NUP98: variants seen among roughly 807,000 people sequenced by gnomAD.
NUP98 encodes nucleoporin 98 and 96 precursor.
Under a neutral mutation model 191.9 loss-of-function variants are expected in NUP98, and 26 were observed. The observed-to-expected ratio is 0.14, with a 90% CI of 0.10 to 0.19. The LOEUF (loss-of-function observed/expected upper bound fraction) is 0.19, where lower values mean the gene tolerates loss of function less well. Among genes scored for constraint, NUP98 ranks in the 10% least tolerant of loss-of-function variants. The pLI, the probability that NUP98 is intolerant of heterozygous loss-of-function variation, is 1.00. For synonymous variants in NUP98, 808 were observed against 778.4 expected, an observed-to-expected ratio of 1.04 and a Z score of -0.63; for missense variants, 1,941 against 2,178.8, an observed-to-expected ratio of 0.89 and a Z score of 2.17.
chr11:3,771,693 A>G, intron 7 of NUP98, 55 bp downstream of exon 7: 2 of 1,487,578 alleles, frequency 1.3e-6, no homozygotes, highest in Admixed American at 3.5e-5. Flanking sequence ...ATTATGTTTT[A>G]GTTTTAGTTA....
intron 1 of NUP98, among the ~76,000 whole-genome samples, chr11:3,783,825 T>C (rs563751662): frequency 2.0e-5 from 3 of 152,070 alleles, no homozygotes; most frequent in Non-Finnish European, 4.4e-5. Flanking sequence ...ACAGAAAAGT[T>C]TGGTTCCCCC....
chr11:3,796,436 T>C (rs1175909732), intron 1 of NUP98, among the ~76,000 whole-genome samples: 1 of 152,260 alleles, frequency 6.6e-6, no homozygotes, highest in African/African-American at 2.4e-5. Flanking sequence ...TTTTACCGAT[T>C]TGTTTCCGAT....
At chr11:3,774,349 T>C (rs935599432) in intron 5 of NUP98, among the ~76,000 whole-genome samples, 5 of 151,432 alleles carry the variant, frequency 3.3e-5, no homozygotes, top group African/African-American at 7.3e-5. Context: ...GAAGCGGAGG[T>C]TGCAGTGAGC....
At chr11:3,680,421 C>A (rs753782688) in intron 30 of NUP98, among the ~76,000 whole-genome samples, 1 of 152,206 alleles carries the variant, frequency 6.6e-6, no homozygotes, top group East Asian at 1.9e-4. Flanking sequence ...ATCACATCTG[C>A]AAGTACTTCC....
chr11:3,779,598 GCCA>G (rs1220003041), intron 2 of NUP98, among the ~76,000 whole-genome samples: 1 of 150,604 alleles, frequency 6.6e-6, no homozygotes, highest in African/African-American at 2.4e-5. Context: ...CCAAGATCGT[GCCA>G]CTGCACTCCA....
intron 31 of NUP98, among the ~76,000 whole-genome samples, chr11:3,677,364 G>A (rs944493962): frequency 6.7e-6 from 1 of 150,190 alleles, no homozygotes; most frequent in Admixed American, 6.7e-5. Context: ...AGGGTAAGGA[G>A]AAGAAGCAGA....
intron 29 of NUP98, among the ~76,000 whole-genome samples, chr11:3,683,777 A>ATG (rs2078051543): frequency 6.6e-6 from 1 of 151,902 alleles, no homozygotes. Context: ...ACCTCAGGTG[A>ATG]TCCACCCGCC....
chr11:3,718,607 G>T (rs549258254), intron 18 of NUP98, among the ~76,000 whole-genome samples: 5 of 152,018 alleles, frequency 3.3e-5, no homozygotes, highest in Admixed American at 6.6e-5. Context: ...GAAAGGAAAG[G>T]AAAGGATCGA....
chr11:3,768,545 T>G, intron 8 of NUP98, 36 bp downstream of exon 8: 1 of 1,475,664 alleles, frequency 6.8e-7, no homozygotes, highest in South Asian at 1.5e-5. Flanking sequence ...ACTCTAAAAA[T>G]AAGACATGGA....
At chr11:3,704,666 T>C (rs972725528) in intron 22 of NUP98, among the ~76,000 whole-genome samples, 1 of 152,248 alleles carries the variant, frequency 6.6e-6, no homozygotes, top group African/African-American at 2.4e-5. Context: ...TTTTTCTCCA[T>C]ACACTTCTGC....
intron 4 of NUP98, among the ~76,000 whole-genome samples, chr11:3,776,553 A>G (rs534452640): frequency 6.1e-5 from 9 of 148,688 alleles, no homozygotes; most frequent in East Asian, 3.9e-4. Context: ...GCGTGATCTC[A>G]GCTCACTGCA....
chr11:3,700,256 G>T (rs1164818268), intron 24 of NUP98, among the ~76,000 whole-genome samples: 1 of 124,978 alleles, frequency 8.0e-6, no homozygotes, highest in African/African-American at 3.1e-5. Context: ...GTGACAGAGT[G>T]AGACTCCGTC....
At position 3,706,588 on chromosome 11, in the gene NUP98, C is replaced by T. The variant is rs1166262594; in HGVS notation, c.2782G>A (p.Glu928Lys). 4.0e-5 allele frequency: 64 copies of T among 1,613,934 alleles called. No homozygotes were observed. The highest frequency in any genetic ancestry group is 5.0e-5 in the Non-Finnish European group (59 of 1,180,026). ...ATATCTACCATGTCACTGTCCAGTT[C>T]CACAACCCTCCCTAACTGCTCCACC... ...PEVEQLGRVV[E>K]LDSDMVDITQ... is the part of the protein sequence containing the mutation. Residue 928 changes from glutamate (E) to lysine (K), a missense_variant, in exon 21 of 33, where the codon GAA (glutamate) becomes AAA (lysine). Physicochemically the swap from Glu to Lys is moderately conservative, Grantham distance 56. Coordinates refer to ENST00000324932, the MANE Select transcript of NUP98 (RefSeq NM_016320.5).
rs765060054 is a variant in NUP98, at chr11:3,735,226, G to A, written c.1507C>T (p.Arg503Trp). ...TTCTTAGGGTCTGACATCGGATTCC[G>A]GAAGAGAGGAGAGTCTCCAAAAGGT... ...YSPFGDSPLF[R>W]NPMSDPKKKE... The change falls in exon 13 of 33, where the codon CGG (arginine) becomes TGG (tryptophan). Residue 503 changes from arginine (R) to tryptophan (W), a missense_variant. Physicochemically the swap from Arg to Trp is moderately radical, Grantham distance 101 (BLOSUM62 -3). Transcript: ENST00000324932. 5.0e-6 allele frequency: 8 copies of A among 1,599,256 alleles called. No individual in the cohort carries two copies. The highest frequency in any genetic ancestry group is 6.0e-6 in the Non-Finnish European group (7 of 1,171,056).
rs1453450601 is a variant in NUP98 at position 3,765,369 on chromosome 11, AG to A, written c.949-2331del. 5.9e-5 allele frequency among the ~76,000 whole-genome samples: 9 copies of A among 152,330 alleles called. No individual in the cohort carries two copies. The East Asian group carries it at 1.7e-3, about 29-fold the overall frequency. On this transcript the variant is annotated intron_variant, in intron 8 of 32. Coordinates refer to ENST00000324932, the MANE Select transcript of NUP98 (RefSeq NM_016320.5). ...GCATGTACTAAAAGGCCTGGCTAAA[AG>A]GTTTTAATTTTGAAAAAGCCCAACT...
rs1392566685 is a variant in NUP98, at chr11:3,723,425, C to A, written c.1878G>T (p.Glu626Asp). Reference protein sequence around the residue: ...RFSFLSKPVDENHQQDGDEDS... With the variant: ...RFSFLSKPVDDNHQQDGDEDS... ...CTTCATCTCCATCCTGCTGGTGATT[C>A]TCATCAACAGGTTTGCTTAGGAAAC... The change falls in exon 16 of 33, where the codon GAG becomes GAT. Residue 626 changes from glutamate (E) to aspartate (D), a missense_variant. Coordinates refer to ENST00000324932, the MANE Select transcript of NUP98 (RefSeq NM_016320.5). 1.2e-6 allele frequency: 2 copies of A among 1,613,910 alleles called. No individual in the cohort carries two copies. The highest frequency in any genetic ancestry group is 2.7e-5 in the African/African-American group (2 of 74,884).
chr11:3,737,810 G>A (rs2080126280), intron 12 of NUP98, among the ~76,000 whole-genome samples: 1 of 151,848 alleles, frequency 6.6e-6, no homozygotes, highest in South Asian at 2.1e-4. Context: ...TCAATTTTAA[G>A]AGCACAGAGT....
intron 14 of NUP98, among the ~76,000 whole-genome samples, chr11:3,729,733 A>T (rs1316572420): frequency 3.4e-5 from 5 of 145,988 alleles, no homozygotes; most frequent in Non-Finnish European, 7.6e-5. Context: ...AAAAAAAAAA[A>T]AAAAAAAAGG....
At chr11:3,757,047 C>T (rs1480273132) in intron 10 of NUP98, among the ~76,000 whole-genome samples, 1 of 150,972 alleles carries the variant, frequency 6.6e-6, no homozygotes, top group Non-Finnish European at 1.5e-5. Context: ...GAGATCGTGC[C>T]GCTGCACTCC....
Sources: gnomAD v4.1 joint callset for allele counts (sites outside exome capture counted in the v4.1 genomes callset) on GRCh38, gnomAD v4.1.1 for gene constraint, MANE v1.5 for transcripts, NCBI Gene and HGNC (gene_info 2026-07-23, HGNC 2026-07-21) for gene names.